DAPK2: variants seen among roughly 807,000 people sequenced by gnomAD.
The protein encoded by DAPK2 is death-associated protein kinase 2.
Under a neutral mutation model 44.1 loss-of-function variants are expected in DAPK2, and 35 were observed. The observed-to-expected ratio is 0.79, with a 90% CI of 0.61 to 1.05. The LOEUF (loss-of-function observed/expected upper bound fraction) is 1.05. DAPK2 is among the 50% of genes least tolerant of loss of function. The probability of loss-of-function intolerance (pLI) is 0.00; values close to 1 mark genes in which losing one functional copy is unlikely to be tolerated. For missense variants in DAPK2, 453 were observed against 483.2 expected, an observed-to-expected ratio of 0.94 and a Z score of 0.59; for synonymous variants, 174 against 182.6, an observed-to-expected ratio of 0.95 and a Z score of 0.38.
intron 3 of DAPK2, among the ~76,000 whole-genome samples, chr15:63,951,397 C>T (rs188007763): frequency 2.6e-5 from 4 of 152,172 alleles, no homozygotes; most frequent in Non-Finnish European, 4.4e-5. Context: ...TACCAGGTAC[C>T]GAAGGGCAGT....
intron 1 of DAPK2, among the ~76,000 whole-genome samples, chr15:64,008,115 T>C (rs1380851): frequency 0.23 from 35,050 of 152,022 alleles, 5,314 homozygotes; most frequent in East Asian, 0.77. Flanking sequence ...CAACTCTGAA[T>C]ACATTAAAGC....
Position 63,939,831 on chromosome 15 carries a change from TC to T in DAPK2, c.454-471del, listed in dbSNP as rs2140452581. On this transcript the variant is annotated intron_variant, in intron 3 of 10. Coordinates refer to ENST00000261891, the Ensembl canonical transcript of DAPK2. The surrounding 1 kb of genome is among the most constrained non-coding windows in gnomAD (Gnocchi z 4.3). ...ACCTTGGTCTTCCTGACCGCCTCTT[TC>T]CCCTGGCCAGCCAACTTCCTGTTGA... Among the ~76,000 whole-genome samples, 1 of 152,316 alleles carries T rather than the reference TC, an allele frequency of 6.6e-6. No individual in the cohort carries two copies. Among genetic ancestry groups the T allele is most frequent in the Non-Finnish European group, 1.5e-5 (1 of 68,022 alleles).
At chr15:64,033,276 A>C (rs146448702) in intron 1 of DAPK2, among the ~76,000 whole-genome samples, 1 of 57,128 alleles carries the variant, frequency 1.8e-5, no homozygotes, top group African/African-American at 8.3e-5. Flanking sequence ...GGGGAGGGGG[A>C]AGGGGGAAGG....
chr15:64,000,392 C>T (rs1201260553), intron 1 of DAPK2, among the ~76,000 whole-genome samples: 2 of 152,318 alleles, frequency 1.3e-5, no homozygotes, highest in Admixed American at 6.5e-5. Context: ...TCCCCACACC[C>T]AGACTCCTGA....
chr15:64,027,782 T>C (rs190198758), intron 1 of DAPK2, among the ~76,000 whole-genome samples: 2 of 152,318 alleles, frequency 1.3e-5, no homozygotes, highest in South Asian at 2.1e-4. Context: ...AGGAAATAAG[T>C]ACATGCTGAT....
In DAPK2 at chr15:63,944,307, C is replaced by T. The variant is rs186411777; in HGVS notation, c.454-4946G>A. On this transcript the variant is annotated intron_variant, in intron 3 of 10. Coordinates refer to ENST00000261891, the Ensembl canonical transcript of DAPK2. ...AGACATACCCATAGACTCAGACCTG[C>T]CCTGATTGGGAGTAAACAGAGGCCA... is the stretch of plus-strand genomic sequence containing the variant. Among the ~76,000 whole-genome samples the T allele has an allele frequency of 2.6e-5, 4 of 152,272 alleles. No homozygotes were observed. The East Asian group carries it at 7.7e-4, about 29-fold the overall frequency.
At chr15:64,033,201 A>C (rs951970856) in intron 1 of DAPK2, among the ~76,000 whole-genome samples, 1 of 149,540 alleles carries the variant, frequency 6.7e-6, no homozygotes, top group Non-Finnish European at 1.5e-5. Flanking sequence ...TCGAGGCTGC[A>C]ATGAGCCATG....
At chr15:63,995,366 A>G (rs1165948960) in intron 1 of DAPK2, among the ~76,000 whole-genome samples, 1 of 152,180 alleles carries the variant, frequency 6.6e-6, no homozygotes, top group Non-Finnish European at 1.5e-5. Context: ...GTGATATTTA[A>G]CCTTTTGTCA....
At chr15:64,014,048 T>C (rs1365089501) in intron 1 of DAPK2, among the ~76,000 whole-genome samples, 1 of 152,122 alleles carries the variant, frequency 6.6e-6, no homozygotes, top group African/African-American at 2.4e-5. Context: ...AGGTCAAGTG[T>C]TTATCTACTT....
At chr15:63,945,184 C>T (rs888840635) in intron 3 of DAPK2, among the ~76,000 whole-genome samples, 1 of 152,126 alleles carries the variant, frequency 6.6e-6, no homozygotes. Flanking sequence ...CCTTACTTCT[C>T]CCTGAGCTTC....
chr15:63,995,806 C>T (rs1286408338), intron 1 of DAPK2, among the ~76,000 whole-genome samples: 2 of 152,162 alleles, frequency 1.3e-5, no homozygotes, highest in South Asian at 4.1e-4. Context: ...CCTGGTGCCC[C>T]CAGGGTGGGC....
chr15:64,015,939 T>C (rs1311217162), intron 1 of DAPK2, among the ~76,000 whole-genome samples: 1 of 152,220 alleles, frequency 6.6e-6, no homozygotes, highest in Non-Finnish European at 1.5e-5. Context: ...AAATTTATGT[T>C]GTTTGAAGCC....
rs985761235 is a variant in DAPK2 at position 63,922,689 on chromosome 15, G to A, written c.858+2127C>T. ...GCCGCAGCAGGGTGGATGAGAACATGCTTCTGCAAACCTCTTGGGATGCAT... is the reference window on the plus strand; with the variant it reads ...GCCGCAGCAGGGTGGATGAGAACATACTTCTGCAAACCTCTTGGGATGCAT... On this transcript the variant is annotated intron_variant, in intron 8 of 10. Coordinates refer to ENST00000261891, the Ensembl canonical transcript of DAPK2. The A allele has an allele frequency of 3.4e-6, 5 of 1,474,364 alleles. No individual in the cohort carries two copies. In the African/African-American group the frequency reaches 5.6e-5, roughly 17 times the overall value. 91.3% of individuals were successfully genotyped at this position (1,474,364 alleles called of 1,614,324 possible).
intron 1 of DAPK2, among the ~76,000 whole-genome samples, chr15:64,031,564 T>G (rs1322480157): frequency 6.6e-6 from 1 of 152,196 alleles, no homozygotes; most frequent in African/African-American, 2.4e-5. Flanking sequence ...TGTCAATCGT[T>G]TTCACTTTCC....
At chr15:63,976,956 TCTAA>T (rs1275369283) in intron 2 of DAPK2, among the ~76,000 whole-genome samples, 1 of 152,186 alleles carries the variant, frequency 6.6e-6, no homozygotes, top group Non-Finnish European at 1.5e-5. Flanking sequence ...CTCCTCTAGA[TCTAA>T]CTACTAGTTA....
chr15:64,023,712 G>GATGAT (rs2079756213), intron 1 of DAPK2, among the ~76,000 whole-genome samples: 1 of 152,110 alleles, frequency 6.6e-6, no homozygotes, highest in Admixed American at 6.5e-5. Context: ...GATGACCACT[G>GATGAT]GGCCTTTAAG....
At chr15:63,920,345 T>C (rs558322763) in intron 8 of DAPK2, 3 of 152,120 alleles carry the variant, frequency 2.0e-5, no homozygotes, top group Non-Finnish European at 4.4e-5. Flanking sequence ...AGTGTCAAGG[T>C]TGAGATGCAT....
chr15:63,948,520 G>T (rs180914558), intron 3 of DAPK2, among the ~76,000 whole-genome samples: 1 of 152,026 alleles, frequency 6.6e-6, no homozygotes, highest in African/African-American at 2.4e-5. Context: ...CAGCACCAAG[G>T]CACTAAGGGG....
chr15:63,949,313 T>G (rs540922925), intron 3 of DAPK2, among the ~76,000 whole-genome samples: 1 of 152,268 alleles, frequency 6.6e-6, no homozygotes, highest in South Asian at 2.1e-4. Flanking sequence ...GTCTCTATAC[T>G]CTCATGGGAT....
Sources: gnomAD v4.1 joint callset for allele counts (sites outside exome capture counted in the v4.1 genomes callset) on GRCh38, gnomAD v4.1.1 for gene constraint, Gnocchi (gnomAD v3.1) non-coding constraint, MANE v1.5 for transcripts, NCBI Gene and HGNC (gene_info 2026-07-23, HGNC 2026-07-21) for gene names.